The following LHPP variants were observed in gnomAD, a reference collection of about 807,000 sequenced individuals.
The protein encoded by LHPP is hLHPP.
Under a neutral mutation model 30.3 loss-of-function variants are expected in LHPP, and 24 were observed. That is an observed-to-expected ratio of 0.79 (90% CI 0.57 to 1.11). The LOEUF is 1.11. Among genes scored for constraint, LHPP ranks in the 50% most tolerant of loss-of-function variants. The pLI is 0.00. For synonymous variants in LHPP, 150 were observed against 157.1 expected, an observed-to-expected ratio of 0.95 and a Z score of 0.34; for missense variants, 356 against 367.2, an observed-to-expected ratio of 0.97 and a Z score of 0.25.
intron 6 of LHPP, among the ~76,000 whole-genome samples, chr10:124,604,473 T>A (rs960351457): frequency 3.3e-5 from 5 of 152,172 alleles, no homozygotes; most frequent in African/African-American, 1.2e-4. Flanking sequence ...GACCATCTGA[T>A]AAGCAGCCTT....
intron 1 of LHPP, among the ~76,000 whole-genome samples, chr10:124,468,288 T>C (rs1952619673): frequency 6.6e-6 from 1 of 152,224 alleles, no homozygotes; most frequent in Non-Finnish European, 1.5e-5. Flanking sequence ...TGCAGATTTA[T>C]CTAGCTGGGG....
At chr10:124,557,096 C>T (rs191367433) in intron 6 of LHPP, among the ~76,000 whole-genome samples, 49 of 152,252 alleles carry the variant, frequency 3.2e-4, no homozygotes, top group African/African-American at 9.9e-4. Flanking sequence ...GTGTTGAGGC[C>T]GCCTGGAGTC....
intron 5 of LHPP, among the ~76,000 whole-genome samples, chr10:124,515,398 A>G (rs1057505445): frequency 1.1e-4 from 16 of 152,120 alleles, no homozygotes; most frequent in African/African-American, 3.9e-4. Context: ...ATGAAATACC[A>G]TTACAAGGGC....
chr10:124,528,968 AAG>A (rs1447560846), intron 6 of LHPP, among the ~76,000 whole-genome samples: 3 of 151,604 alleles, frequency 2.0e-5, no homozygotes, highest in Non-Finnish European at 4.4e-5. Flanking sequence ...TTGTAAGAAT[AAG>A]AGTTATTTTT....
chr10:124,604,530 T>G (rs557446698), intron 6 of LHPP, among the ~76,000 whole-genome samples: 202 of 152,236 alleles, frequency 1.3e-3, no homozygotes, highest in Middle Eastern at 3.4e-3. Flanking sequence ...CCCAGCTGCA[T>G]CCTCCAGGCA....
intron 6 of LHPP, among the ~76,000 whole-genome samples, chr10:124,561,363 G>T (rs922460164): frequency 2.0e-5 from 3 of 152,088 alleles, no homozygotes; most frequent in African/African-American, 4.8e-5. Context: ...CAGGAGCAGG[G>T]TGGGAATGAG....
intron 6 of LHPP, among the ~76,000 whole-genome samples, chr10:124,589,581 G>A (rs1948850311): frequency 1.3e-5 from 2 of 152,210 alleles, no homozygotes; most frequent in Non-Finnish European, 2.9e-5. Flanking sequence ...CACGAGAGCA[G>A]GGGTCAGGCT....
chr10:124,472,469 C>T (rs754539035), intron 1 of LHPP, among the ~76,000 whole-genome samples: 263 of 152,222 alleles, frequency 1.7e-3, no homozygotes, highest in Non-Finnish European at 1.1e-3. Context: ...GAAAGAATGA[C>T]TTCGCTCTGT....
chr10:124,501,413 C>A (rs547525284), intron 5 of LHPP, among the ~76,000 whole-genome samples: 1 of 151,580 alleles, frequency 6.6e-6, no homozygotes, highest in Admixed American at 6.6e-5. Context: ...ATCAGCCTGG[C>A]CAACATGGTG....
At chr10:124,480,155 G>A (rs1953080671) in intron 1 of LHPP, among the ~76,000 whole-genome samples, 1 of 152,144 alleles carries the variant, frequency 6.6e-6, no homozygotes. Flanking sequence ...ATAAGGAAGA[G>A]GCAACCTGGG....
chr10:124,533,742 C>T (rs1325263337), intron 6 of LHPP, among the ~76,000 whole-genome samples: 1 of 152,224 alleles, frequency 6.6e-6, no homozygotes, highest in African/African-American at 2.4e-5. Flanking sequence ...AGGCACTTGC[C>T]GTGTGCTCCG....
intron 6 of LHPP, among the ~76,000 whole-genome samples, chr10:124,522,595 C>T (rs1370637981): frequency 6.6e-6 from 1 of 152,214 alleles, no homozygotes; most frequent in African/African-American, 2.4e-5. Context: ...GGGTGCTTTT[C>T]CTGCACTTTT....
At chr10:124,482,194 G>C (rs1373709798) in intron 1 of LHPP, among the ~76,000 whole-genome samples, 2 of 152,188 alleles carry the variant, frequency 1.3e-5, no homozygotes, top group Non-Finnish European at 2.9e-5. Flanking sequence ...GAATCTGCGT[G>C]TATTCATTTC....
intron 6 of LHPP, among the ~76,000 whole-genome samples, chr10:124,532,377 C>CA (rs1954920509): frequency 6.6e-6 from 1 of 152,260 alleles, no homozygotes; most frequent in Non-Finnish European, 1.5e-5. Context: ...AGGTGTGACA[C>CA]ACACATGCGT....
intron 6 of LHPP, among the ~76,000 whole-genome samples, chr10:124,595,719 C>G (rs1948933827): frequency 6.6e-6 from 1 of 152,198 alleles, no homozygotes; most frequent in African/African-American, 2.4e-5. Context: ...AGCCACCCTG[C>G]AAACTTCCTC....
chr10:124,524,019 A>G (rs1022253839), intron 6 of LHPP, among the ~76,000 whole-genome samples: 3 of 152,142 alleles, frequency 2.0e-5, no homozygotes, highest in Admixed American at 1.3e-4. Context: ...ACCCACCCCA[A>G]TTTAAGCCTG....
chr10:124,535,913 G>A (rs1055402778), intron 6 of LHPP, among the ~76,000 whole-genome samples: 7 of 152,256 alleles, frequency 4.6e-5, no homozygotes, highest in Non-Finnish European at 7.3e-5. Flanking sequence ...GGGGAACTGG[G>A]GAGATCAAGG....
chr10:124,553,814 G>T, intron 6 of LHPP: 4 of 837,068 alleles, frequency 4.8e-6, no homozygotes, highest in Non-Finnish European at 5.8e-6. Flanking sequence ...CTTGGGAGCT[G>T]CACAGAGACC....
intron 6 of LHPP, among the ~76,000 whole-genome samples, chr10:124,522,319 T>C (rs966999560): frequency 2.0e-5 from 3 of 152,144 alleles, no homozygotes; most frequent in Non-Finnish European, 4.4e-5. Context: ...GCATTGGACA[T>C]GGCTGCTCCC....
Sources: allele counts gnomAD v4.1 joint callset (sites outside exome capture counted in the v4.1 genomes callset), GRCh38; gene constraint gnomAD v4.1.1; transcripts MANE v1.5; gene names NCBI Gene and HGNC (gene_info 2026-07-23, HGNC 2026-07-21).